The following ITGA9 variants were observed in gnomAD, a reference collection of about 807,000 sequenced individuals.
ITGA9 encodes the protein integrin subunit alpha 9, also known as integrin alpha-9.
A neutral mutation model predicts 127.8 loss-of-function variants in ITGA9; 56 were observed. The observed-to-expected ratio is 0.44, with a 90% CI of 0.35 to 0.55. ITGA9 has a LOEUF of 0.55. Ranked by LOEUF, ITGA9 falls within the 20% of genes least tolerant of loss-of-function variation. The pLI is 0.00. For synonymous variants in ITGA9, 508 were observed against 514.5 expected (o/e 0.99, Z 0.17); for missense variants, 1,196 against 1,347.1 (o/e 0.89, Z 1.76).
At chr3:37,483,295 C>T (rs1470173907) in intron 4 of ITGA9, among the ~76,000 whole-genome samples, 1 of 152,144 alleles carries the variant, frequency 6.6e-6, no homozygotes, top group East Asian at 1.9e-4. Context: ...TACGCAGGTC[C>T]ACGAGGCTCA....
intron 15 of ITGA9, among the ~76,000 whole-genome samples, chr3:37,553,534 A>G (rs1396532059): frequency 3.9e-5 from 6 of 152,256 alleles, no homozygotes; most frequent in African/African-American, 1.4e-4. Flanking sequence ...CTTGTGTCCT[A>G]TATATTTAAA....
chr3:37,658,064 T>C (rs573869312), intron 17 of ITGA9, among the ~76,000 whole-genome samples: 1 of 151,892 alleles, frequency 6.6e-6, no homozygotes, highest in African/African-American at 2.4e-5. Flanking sequence ...GAGACTGTTA[T>C]GATTTCTGTT....
chr3:37,464,447 A>G (rs1409665874), intron 1 of ITGA9, among the ~76,000 whole-genome samples: 2 of 152,080 alleles, frequency 1.3e-5, no homozygotes, highest in South Asian at 2.1e-4. Flanking sequence ...TTGAACACCT[A>G]CTTTGTAGCA....
At chr3:37,781,590 AT>A (rs1338456146) in intron 25 of ITGA9, among the ~76,000 whole-genome samples, 6 of 152,200 alleles carry the variant, frequency 3.9e-5, no homozygotes, top group Non-Finnish European at 8.8e-5. Context: ...ATTTCCTATG[AT>A]TTATTTTAAG....
intron 3 of ITGA9, among the ~76,000 whole-genome samples, chr3:37,475,685 C>A (rs142377109): frequency 2.0e-5 from 3 of 152,294 alleles, no homozygotes; most frequent in African/African-American, 7.2e-5. Flanking sequence ...CATCTGACAC[C>A]ATCTGCTTTC....
chr3:37,577,117 C>T (rs1313683025), intron 15 of ITGA9, among the ~76,000 whole-genome samples: 1 of 152,184 alleles, frequency 6.6e-6, no homozygotes, highest in Non-Finnish European at 1.5e-5. Flanking sequence ...GCAGGGAAGA[C>T]AGAAAGATGA....
chr3:37,683,023 C>T (rs560894814), intron 17 of ITGA9, among the ~76,000 whole-genome samples: 12 of 152,318 alleles, frequency 7.9e-5, no homozygotes, highest in Middle Eastern at 3.4e-3. Context: ...TCACGCTGCT[C>T]CTCTGCTCAG....
intron 15 of ITGA9, among the ~76,000 whole-genome samples, chr3:37,617,332 A>G (rs1700084366): frequency 2.6e-5 from 4 of 152,146 alleles, no homozygotes; most frequent in Admixed American, 2.6e-4. Flanking sequence ...TGAGAGATCC[A>G]CTGTTAGTCT....
chr3:37,744,261 C>T (rs1189526349), intron 22 of ITGA9, among the ~76,000 whole-genome samples: 12 of 152,202 alleles, frequency 7.9e-5, no homozygotes, highest in Admixed American at 5.9e-4. Context: ...GACAGGTCCA[C>T]GTCATGAATG....
intron 23 of ITGA9, among the ~76,000 whole-genome samples, chr3:37,769,489 G>T (rs1696818762): frequency 6.6e-6 from 1 of 151,984 alleles, no homozygotes; most frequent in South Asian, 2.1e-4. Context: ...TTACCTTCTG[G>T]GTAACTACCT....
chr3:37,626,195 G>T (rs904786579), intron 15 of ITGA9, among the ~76,000 whole-genome samples: 5 of 152,154 alleles, frequency 3.3e-5, no homozygotes, highest in Non-Finnish European at 5.9e-5. Flanking sequence ...ATGCTGTTAT[G>T]TAAACAAGTA....
intron 15 of ITGA9, among the ~76,000 whole-genome samples, chr3:37,564,374 C>T (rs561967551): frequency 6.6e-6 from 1 of 152,164 alleles, no homozygotes; most frequent in South Asian, 2.1e-4. Context: ...TATGGCAAGC[C>T]CTAGTTCTGA....
intron 17 of ITGA9, among the ~76,000 whole-genome samples, chr3:37,672,544 G>A (rs1700647043): frequency 6.6e-6 from 1 of 152,294 alleles, no homozygotes; most frequent in African/African-American, 2.4e-5. Flanking sequence ...TTAGCAGTAT[G>A]AGAACAGGCT....
intron 1 of ITGA9, among the ~76,000 whole-genome samples, chr3:37,469,525 C>T (rs1198806913): frequency 2.6e-5 from 4 of 152,146 alleles, no homozygotes; most frequent in Non-Finnish European, 5.9e-5. Context: ...TATAATGTCA[C>T]TGAGGTTGAA....
intron 26 of ITGA9, among the ~76,000 whole-genome samples, chr3:37,789,552 G>A (rs1697081247): frequency 6.7e-6 from 1 of 150,244 alleles, no homozygotes; most frequent in South Asian, 2.1e-4. Context: ...AAAGTCAGGA[G>A]ATCGAGACCA....
rs547530177 is a variant in ITGA9, at chr3:37,812,558, T to C, written c.3010-6333T>C. ...TGTTTGGGGCAATCTGTTGTTTCCC[T>C]AGGAGTTTTCTGGTTGCTTTTGGAT... On this transcript the variant is annotated intron_variant, in intron 27 of 27. Transcript: ENST00000264741. Among the ~76,000 whole-genome samples, 152 of 152,354 alleles carry C rather than the reference T, an allele frequency of 1.0e-3. No individual in the cohort carries two copies. The Middle Eastern group carries it at 0.014, about 14-fold the overall frequency.
chr3:37,615,803 G>T (rs373423430), intron 15 of ITGA9, among the ~76,000 whole-genome samples: 1 of 151,770 alleles, frequency 6.6e-6, no homozygotes, highest in Admixed American at 6.6e-5. Flanking sequence ...CTGTGGGATC[G>T]GTGGTGATAT....
intron 15 of ITGA9, among the ~76,000 whole-genome samples, chr3:37,566,931 A>C (rs773005926): frequency 1.2e-4 from 19 of 152,312 alleles, no homozygotes; most frequent in Middle Eastern, 3.4e-3. Context: ...ACTATGAGTC[A>C]TGTGACATTC....
intron 15 of ITGA9, among the ~76,000 whole-genome samples, chr3:37,551,763 A>T (rs917152441): frequency 1.3e-5 from 2 of 151,892 alleles, no homozygotes. Context: ...GCCTCGCCAG[A>T]CCTCCCCACC....
Sources: allele counts gnomAD v4.1 joint callset (sites outside exome capture counted in the v4.1 genomes callset), GRCh38; gene constraint gnomAD v4.1.1; transcripts MANE v1.5; gene names NCBI Gene and HGNC (gene_info 2026-07-23, HGNC 2026-07-21).